ABCD2: variants seen among roughly 807,000 people sequenced by gnomAD.
ABCD2 encodes the protein ATP binding cassette subfamily D member 2, also known as ATP-binding cassette sub-family D member 2.
ABCD2 carries 36 observed loss-of-function variants against 70.9 expected under a neutral mutation model. The ratio of observed to expected loss-of-function variants is 0.51; its 90% CI spans 0.39 to 0.67. The LOEUF (loss-of-function observed/expected upper bound fraction) is 0.67, where lower values mean the gene tolerates loss of function less well. ABCD2 is among the 30% of genes least tolerant of loss of function. The pLI, the probability that ABCD2 is intolerant of heterozygous loss-of-function variation, is 0.00. For missense variants in ABCD2, 729 were observed against 890.2 expected (o/e 0.82, Z 2.30); for synonymous variants, 304 against 306.9 (o/e 0.99, Z 0.10).
At chr12:39,561,891 C>T (rs1380038323) in intron 9 of ABCD2, among the ~76,000 whole-genome samples, 1 of 152,126 alleles carries the variant, frequency 6.6e-6, no homozygotes, top group African/African-American at 2.4e-5. Flanking sequence ...AATATACATT[C>T]TTCTCAACTA....
At chr12:39,581,435 T>A (rs74581159) in intron 7 of ABCD2, among the ~76,000 whole-genome samples, 5,860 of 152,234 alleles carry the variant, frequency 0.038, 391 homozygotes, top group African/African-American at 0.13. Flanking sequence ...AATTGTCATT[T>A]TTTAAGTAAG....
chr12:39,548,117 A>G (rs1455697500), downstream of ABCD2, among the ~76,000 whole-genome samples: 1 of 152,074 alleles, frequency 6.6e-6, no homozygotes, highest in East Asian at 1.9e-4. Flanking sequence ...TTGCACTGCT[A>G]GGCAGCATCA....
In ABCD2 at chr12:39,559,653, G is replaced by C. The variant is rs565949891; in HGVS notation, c.2004-5522C>G. 7.2e-5 allele frequency among the ~76,000 whole-genome samples: 11 copies of C among 152,068 alleles called. No homozygotes were observed. The South Asian group carries it at 2.1e-3, about 29-fold the overall frequency. On this transcript the variant is annotated intron_variant, in intron 9 of 9. Transcript: ENST00000308666. The stretch of plus-strand genomic sequence containing the variant: ...GCAAGAAAAAAAAATAACACATAAG[G>C]GAGTTCTAATATGACTGTTACCAGC...
rs1201503034 is a variant in ABCD2 at position 39,619,175 on chromosome 12, T to C, written c.441A>G (p.Leu147=). 1.9e-6 allele frequency: 3 copies of C among 1,614,204 alleles called. No homozygotes were observed. The highest frequency in any genetic ancestry group is 2.2e-5 in the South Asian group (2 of 91,080). The change falls in exon 1 of 10, where the codon TTA becomes TTG. Residue 147 remains leucine (L), a synonymous_variant. Transcript: ENST00000308666. ...EKKPRTFIIK[L]IKWLMIAIPA... is the part of the protein sequence containing the mutation. Reference sequence around the variant, plus strand: ...GGATGGCAATCATAAGCCACTTGATTAATTTGATGATGAAAGTCCGAGGCT... The same window carrying C: ...GGATGGCAATCATAAGCCACTTGATCAATTTGATGATGAAAGTCCGAGGCT...
chr12:39,596,322 G>T lies in ABCD2; in HGVS notation c.1646+4249C>A, dbSNP rs539439867. 5.9e-5 allele frequency among the ~76,000 whole-genome samples: 9 copies of T among 151,732 alleles called. No homozygotes were observed. The East Asian group carries it at 1.7e-3, about 29-fold the overall frequency. ...TGCCTTTCTTGAGGCACTTATTTCT[G>T]GTTTTTATTTCCATTAGTTGAATGT... On this transcript the variant is annotated intron_variant, in intron 6 of 9. Transcript: ENST00000308666.
intron 7 of ABCD2, among the ~76,000 whole-genome samples, chr12:39,581,720 C>CT (rs1284677697): frequency 6.6e-6 from 1 of 152,152 alleles, no homozygotes; most frequent in East Asian, 1.9e-4. Context: ...TCAAAGGACA[C>CT]TTTAACTTTT....
chr12:39,614,688 C>G (rs1049325560), intron 2 of ABCD2, among the ~76,000 whole-genome samples: 15 of 151,910 alleles, frequency 9.9e-5, no homozygotes, highest in Admixed American at 9.2e-4. Context: ...GAACTAAAAC[C>G]TTAAAGATAT....
In ABCD2 at chr12:39,618,900, G is replaced by T; in HGVS notation, c.716C>A (p.Ser239Tyr). 6.2e-7 allele frequency: 1 copy of T among 1,614,198 alleles called. No individual in the cohort carries two copies. Among genetic ancestry groups the T allele is most frequent in the Non-Finnish European group, 8.5e-7 (1 of 1,180,030 alleles). ...TGTAGCAGTTTGAATGAGTGTATAGGAGGTCAGCATTACATCTAAAATAGG... is the reference window on the plus strand; with the variant it reads ...TGTAGCAGTTTGAATGAGTGTATAGTAGGTCAGCATTACATCTAAAATAGG... ...TKPILDVMLT[S>Y]YTLIQTATSR... is the part of the protein sequence containing the mutation. Residue 239 changes from serine (S) to tyrosine (Y), a missense_variant, in exon 1 of 10, where the codon TCC (serine) becomes TAC (tyrosine). Around this residue, in one of 3 missense-constraint regions of ABCD2, gnomAD observed 195 missense variants for 300.2 expected, o/e 0.65. Transcript: ENST00000308666.
rs747576839 is a variant in ABCD2, at chr12:39,600,610, T to C, written c.1607A>G (p.Tyr536Cys). 5.0e-6 allele frequency: 8 copies of C among 1,611,658 alleles called. No homozygotes were observed. Among genetic ancestry groups the C allele is most frequent in the Admixed American group, 3.4e-5 (2 of 59,636 alleles). Residue 536 changes from tyrosine to cysteine, a missense_variant, in exon 6 of 10, where the codon TAT becomes TGT. This residue lies in a region of ABCD2 where 289 missense variants were observed against 328.8 expected (regional missense o/e 0.88). Transcript: ENST00000308666. ...GLWPVYEGVL[Y>C]KPPPQHMFYI... is the part of the protein sequence containing the mutation. ...AAACATATGTTGAGGAGGTGGTTTA[T>C]AGAGGACTCCTTCATACACAGGCCA...
chr12:39,550,207 C>T lies in ABCD2; in HGVS notation c.*3705G>A, dbSNP rs1591959958. On this transcript the variant is annotated 3_prime_UTR_variant, in exon 10 of 10. Coordinates refer to ENST00000308666, the MANE Select transcript of ABCD2 (RefSeq NM_005164.4). ...TATACAATACAATGTCTAAGTAAGG[C>T]GTATATAGACATATACCCAACATGG... 6.6e-6 allele frequency: 1 copy of T among 151,610 alleles called. No individual in the cohort carries two copies. Among genetic ancestry groups the T allele is most frequent in the East Asian group, 1.9e-4 (1 of 5,172 alleles). The allele number at this position is 151,610 out of a possible 1,614,324, so 9.4% of individuals were successfully genotyped here.
At position 39,553,673 on chromosome 12, in the gene ABCD2, A is replaced by G. The variant is rs1941120152; in HGVS notation, c.*239T>C. ...GAATTCACCTAGAAAATCCTGTTTTACAAGTGCATTAGGCCTTCACTAGGA... is the reference window on the plus strand; with the variant it reads ...GAATTCACCTAGAAAATCCTGTTTTGCAAGTGCATTAGGCCTTCACTAGGA... On this transcript the variant is annotated 3_prime_UTR_variant, in exon 10 of 10. Coordinates refer to ENST00000308666, the MANE Select transcript of ABCD2 (RefSeq NM_005164.4). 6.9e-6 allele frequency: 3 copies of G among 432,386 alleles called. No homozygotes were observed. Among genetic ancestry groups the G allele is most frequent in the Non-Finnish European group, 1.2e-5 (3 of 242,676 alleles). 26.8% of individuals were successfully genotyped at this position (432,386 alleles called of 1,614,324 possible).
intron 7 of ABCD2, 86 bp from the exon 8 acceptor site, chr12:39,579,705 A>G: frequency 5.8e-6 from 6 of 1,036,762 alleles, no homozygotes; most frequent in Non-Finnish European, 8.4e-6. Flanking sequence ...TTCCTGACAA[A>G]TTCAAATTGT....
chr12:39,560,938 A>G lies in ABCD2; in HGVS notation c.2004-6807T>C, dbSNP rs141334311. On this transcript the variant is annotated intron_variant, in intron 9 of 9. Transcript: ENST00000308666. ...AATAAAAAGCAAGGAATCAAAGCAT[A>G]TTACTAAAGAAAATCACTTACCCAC... 3.0e-4 allele frequency among the ~76,000 whole-genome samples: 45 copies of G among 152,318 alleles called. No individual in the cohort carries two copies. In the East Asian group the frequency reaches 8.5e-3, roughly 29 times the overall value.
Position 39,586,439 on chromosome 12 carries a change from C to T in ABCD2, c.1647-142G>A, listed in dbSNP as rs544106775. 16 of 764,046 alleles carry T rather than the reference C, an allele frequency of 2.1e-5. No individual in the cohort carries two copies. In the African/African-American group the frequency reaches 2.1e-4, roughly 10 times the overall value. 47.3% of individuals were successfully genotyped at this position (764,046 alleles called of 1,614,324 possible). A position where few individuals can be genotyped will look rare whatever the true frequency, so the allele number is the denominator to read the frequency against. On this transcript the variant is annotated intron_variant, in intron 6 of 9. Transcript: ENST00000308666. ...GATATTTGTTACCTGGCGATGAGTA[C>T]TTCTCCCTCAGGCACTGCTAAACAA...
At chr12:39,548,101 A>G (rs1000819592), downstream of ABCD2, among the ~76,000 whole-genome samples, 2 of 151,912 alleles carry the variant, frequency 1.3e-5, no homozygotes, top group Non-Finnish European at 2.9e-5. Flanking sequence ...GCAGTATGAT[A>G]CTCTCTTGCA....
rs148525398 is a variant in ABCD2 at position 39,605,006 on chromosome 12, A to T, written c.1237-76T>A. The T allele has an allele frequency of 1.0e-3, 1,238 of 1,218,098 alleles. 7 individuals are homozygous for T. The African/African-American group carries it at 0.017, about 17-fold the overall frequency. 75.5% of individuals were successfully genotyped at this position (1,218,098 alleles called of 1,614,324 possible). A position where few individuals can be genotyped will look rare whatever the true frequency, so the allele number is the denominator to read the frequency against. On this transcript the variant is annotated intron_variant, in intron 3 of 9. Transcript: ENST00000308666. Reference sequence around the variant, plus strand: ...TTTTAAATAAATATGTAATCAGATAAGCTTCTTGACTTAATGTAAAAGATT... The same window carrying T: ...TTTTAAATAAATATGTAATCAGATATGCTTCTTGACTTAATGTAAAAGATT...
chr12:39,594,650 C>T (rs907368634), intron 6 of ABCD2, among the ~76,000 whole-genome samples: 7 of 152,160 alleles, frequency 4.6e-5, no homozygotes, highest in African/African-American at 7.2e-5. Flanking sequence ...GATTTCATGT[C>T]TTAAGCTCTT....
At chr12:39,565,441 G>A (rs565986213) in intron 9 of ABCD2, among the ~76,000 whole-genome samples, 46 of 152,192 alleles carry the variant, frequency 3.0e-4, no homozygotes, top group African/African-American at 1.1e-3. Context: ...GTCTGTTATT[G>A]GTGTATAAGA....
chr12:39,542,819 G>T, the ABCD2 span, among the ~76,000 whole-genome samples: 1 of 152,160 alleles, frequency 6.6e-6, no homozygotes, highest in Non-Finnish European at 1.5e-5. Flanking sequence ...AAATGTAAAG[G>T]GTCAGCCAAT....
Sources: gnomAD v4.1 joint callset for allele counts (sites outside exome capture counted in the v4.1 genomes callset) on GRCh38, gnomAD v4.1.1 for gene constraint, gnomAD v4.1.1 regional missense constraint, MANE v1.5 for transcripts, NCBI Gene and HGNC (gene_info 2026-07-23, HGNC 2026-07-21) for gene names.